Variants in MAP3K19 observed in about 807,000 individuals in gnomAD.
The protein encoded by MAP3K19 is SPS1/STE20-related protein kinase YSK4.
A neutral mutation model predicts 114.4 loss-of-function variants in MAP3K19; 91 were observed. The observed-to-expected ratio is 0.80, with a 90% CI of 0.67 to 0.95. The LOEUF (loss-of-function observed/expected upper bound fraction) is 0.95, where lower values mean the gene tolerates loss of function less well. Ranked by LOEUF, MAP3K19 falls within the 40% of genes least tolerant of loss-of-function variation. The probability of loss-of-function intolerance (pLI) is 0.00; values close to 1 mark genes in which losing one functional copy is unlikely to be tolerated. For missense variants in MAP3K19, 1,471 were observed against 1,573.2 expected, an observed-to-expected ratio of 0.94 and a Z score of 1.10; for synonymous variants, 518 against 530.5, an observed-to-expected ratio of 0.98 and a Z score of 0.32.
rs192214000 is a variant in MAP3K19 at position 134,969,365 on chromosome 2, T to C, written c.3921-4449A>G. Among the ~76,000 whole-genome samples, 171 of 151,152 alleles carry C rather than the reference T, an allele frequency of 1.1e-3. 4 individuals carry two copies. In the Middle Eastern group the frequency reaches 0.044, roughly 39 times the overall value. On this transcript the variant is annotated intron_variant, in intron 12 of 12. Coordinates refer to ENST00000392915, the MANE Select transcript of MAP3K19 (RefSeq NM_025052.5). Reference sequence around the variant, plus strand: ...TGGAAAGAGAGGGAGAGGGAGACCGTGGGGAGAGGGAGACGAGAGGGAGAG... The same window carrying C: ...TGGAAAGAGAGGGAGAGGGAGACCGCGGGGAGAGGGAGACGAGAGGGAGAG...
intron 2 of MAP3K19, among the ~76,000 whole-genome samples, chr2:135,039,362 C>A (rs1356809884): frequency 6.6e-6 from 1 of 151,460 alleles, no homozygotes; most frequent in East Asian, 1.9e-4. Context: ...GCGTGTGGAT[C>A]TCTTGAAACC....
chr2:135,021,875 C>T, intron 4 of MAP3K19, 45 bp from the exon 5 acceptor site: 1 of 1,215,448 alleles, frequency 8.2e-7, no homozygotes, highest in South Asian at 1.4e-5. Flanking sequence ...GATTCATCTC[C>T]AGCAATTTCA....
chr2:134,991,662 T>C lies in MAP3K19; in HGVS notation c.575-82A>G. ...AAGCCAGAGTCTGGGGATGGAGTAA[T>C]ACAGATGCTAAGGGGTCTGAGGAAA... On this transcript the variant is annotated intron_variant, in intron 8 of 12. Transcript: ENST00000392915. 5 of 1,133,784 alleles carry C rather than the reference T, an allele frequency of 4.4e-6. 1 individual carries two copies. The South Asian group carries it at 5.1e-5, about 11-fold the overall frequency. 70.2% of individuals were successfully genotyped at this position (1,133,784 alleles called of 1,614,324 possible). A position where few individuals can be genotyped will look rare whatever the true frequency, so the allele number is the denominator to read the frequency against.
chr2:135,007,079 A>T (rs1286617636), intron 5 of MAP3K19, among the ~76,000 whole-genome samples: 1 of 150,812 alleles, frequency 6.6e-6, no homozygotes, highest in East Asian at 2.0e-4. Context: ...TGCGAGGATC[A>T]TTTGAGCCAT....
chr2:135,014,438 TCTCAGCCTC>T (rs756293859), intron 5 of MAP3K19, among the ~76,000 whole-genome samples: 177 of 152,136 alleles, frequency 1.2e-3, no homozygotes, highest in Admixed American at 3.5e-3. Context: ...TATCCTCCCA[TCTCAGCCTC>T]CTGAGTAGCT....
chr2:135,032,583 G>GT (rs1171594166), intron 2 of MAP3K19, among the ~76,000 whole-genome samples: 7,098 of 129,794 alleles, frequency 0.055, 567 homozygotes, highest in African/African-American at 0.22. Context: ...AATGTTGTTT[G>GT]TTTTTTTTTT....
chr2:135,033,701 AC>A (rs1194277040), intron 2 of MAP3K19, among the ~76,000 whole-genome samples: 5 of 74,292 alleles, frequency 6.7e-5, no homozygotes, highest in African/African-American at 1.9e-4. Context: ...GGGGGGGCTA[AC>A]CCCCCCCACC....
At chr2:134,983,181 T>A (rs773118617) in intron 11 of MAP3K19, 1 of 533,130 alleles carries the variant, frequency 1.9e-6, no homozygotes, top group Non-Finnish European at 3.8e-6. Context: ...TGTACCCACC[T>A]CTCTTCATCG....
chr2:134,979,333 C>A (rs910267881), intron 12 of MAP3K19, among the ~76,000 whole-genome samples: 31 of 152,084 alleles, frequency 2.0e-4, no homozygotes, highest in Non-Finnish European at 4.6e-4. Flanking sequence ...TTCACAATAA[C>A]CCTGTTAATT....
intron 10 of MAP3K19, among the ~76,000 whole-genome samples, chr2:134,984,358 TAAAC>T (rs1193671937): frequency 6.6e-6 from 1 of 152,010 alleles, no homozygotes; most frequent in Non-Finnish European, 1.5e-5. Context: ...TACACACACA[TAAAC>T]ATAAATATAT....
At chr2:134,985,777 T>C in intron 10 of MAP3K19, 23 bp downstream of exon 10, 1 of 1,560,128 alleles carries the variant, frequency 6.4e-7, no homozygotes, top group Non-Finnish European at 8.7e-7. Context: ...CCCCAATGAA[T>C]CTTGGATTCT....
chr2:135,001,594 C>T (rs893028898), intron 6 of MAP3K19, among the ~76,000 whole-genome samples: 1 of 152,170 alleles, frequency 6.6e-6, no homozygotes, highest in Non-Finnish European at 1.5e-5. Flanking sequence ...AGTGCAAACA[C>T]CTAGCTGACA....
At chr2:135,041,926 G>GA (rs1330694550) in intron 1 of MAP3K19, among the ~76,000 whole-genome samples, 1 of 152,056 alleles carries the variant, frequency 6.6e-6, no homozygotes, top group Non-Finnish European at 1.5e-5. Context: ...AACATGTACA[G>GA]AAACACAGAG....
chr2:135,031,978 A>C (rs891127522), intron 2 of MAP3K19, among the ~76,000 whole-genome samples: 1 of 152,128 alleles, frequency 6.6e-6, no homozygotes, highest in African/African-American at 2.4e-5. Context: ...TTCTGCATGA[A>C]ACCCACTAGA....
At chr2:135,015,975 G>C (rs1053004004) in intron 5 of MAP3K19, among the ~76,000 whole-genome samples, 4 of 152,092 alleles carry the variant, frequency 2.6e-5, no homozygotes, top group Non-Finnish European at 5.9e-5. Context: ...GTGTGGTCAG[G>C]CAAAATGGCT....
chr2:134,964,962 G>C (rs1256512418), intron 12 of MAP3K19, 46 bp from the exon 13 acceptor site: 1 of 1,346,474 alleles, frequency 7.4e-7, no homozygotes, highest in Non-Finnish European at 1.1e-6. Context: ...TCAGTAATGA[G>C]ACTGCCAATG....
chr2:135,038,503 T>A (rs1688579681), intron 2 of MAP3K19, among the ~76,000 whole-genome samples: 1 of 152,002 alleles, frequency 6.6e-6, no homozygotes, highest in Non-Finnish European at 1.5e-5. Context: ...TTTTGAAACA[T>A]GAAGTGTAGC....
In MAP3K19 at chr2:135,006,944, G is replaced by A. The variant is rs372583538; in HGVS notation, c.139-1413C>T. 2.2e-4 allele frequency among the ~76,000 whole-genome samples: 34 copies of A among 152,096 alleles called. No individual in the cohort carries two copies. The South Asian group carries it at 6.0e-3, about 27-fold the overall frequency. On this transcript the variant is annotated intron_variant, in intron 5 of 12. Coordinates refer to ENST00000392915, the MANE Select transcript of MAP3K19 (RefSeq NM_025052.5). ...TATAATCCTAGCACTTTGGGAGGCC[G>A]AGATGGGTGGATTGCTTGAGGCCAG...
chr2:134,980,323 T>G (rs1684544302), intron 12 of MAP3K19, among the ~76,000 whole-genome samples: 1 of 152,200 alleles, frequency 6.6e-6, no homozygotes, highest in South Asian at 2.1e-4. Context: ...TACCCACAAT[T>G]TAATTCCATA....
Sources: allele counts gnomAD v4.1 joint callset (sites outside exome capture counted in the v4.1 genomes callset), GRCh38; gene constraint gnomAD v4.1.1; transcripts MANE v1.5; gene names NCBI Gene and HGNC (gene_info 2026-07-23, HGNC 2026-07-21).